SLC26A5: variants seen among roughly 807,000 people sequenced by gnomAD.
SLC26A5 encodes the protein solute carrier family 26 member 5.
Under a neutral mutation model 81.0 loss-of-function variants are expected in SLC26A5, and 51 were observed. The observed-to-expected ratio is 0.63, with a 90% CI of 0.50 to 0.80. The LOEUF is 0.80. Ranked by LOEUF, SLC26A5 falls within the 30% of genes least tolerant of loss-of-function variation. The probability of loss-of-function intolerance (pLI) is 0.00; values close to 1 mark genes in which losing one functional copy is unlikely to be tolerated. For synonymous variants in SLC26A5, 325 were observed against 332.8 expected, an observed-to-expected ratio of 0.98 and a Z score of 0.25; for missense variants, 771 against 905.8, an observed-to-expected ratio of 0.85 and a Z score of 1.91.
At chr7:103,431,371 G>A (rs1826071993) in intron 2 of SLC26A5, among the ~76,000 whole-genome samples, 1 of 150,390 alleles carries the variant, frequency 6.6e-6, no homozygotes, top group South Asian at 2.1e-4. Flanking sequence ...CACCCAGGCT[G>A]GAGTGCAGTG....
At chr7:103,426,165 A>G (rs1825698560) in intron 2 of SLC26A5, among the ~76,000 whole-genome samples, 1 of 152,216 alleles carries the variant, frequency 6.6e-6, no homozygotes, top group South Asian at 2.1e-4. Flanking sequence ...TTCTATGCTT[A>G]TATTCTCACA....
Position 103,374,304 on chromosome 7 carries a change from C to A in SLC26A5, c.*95G>T. ...TCAAGCCTGGACTACTAGTATTCAC[C>A]CTTAGAAAAAAAAATCTAGCGTCTA... On this transcript the variant is annotated 3_prime_UTR_variant, in exon 20 of 20. Coordinates refer to ENST00000306312, the MANE Select transcript of SLC26A5 (RefSeq NM_198999.3). 1 of 1,552,504 alleles carries A rather than the reference C, an allele frequency of 6.4e-7. No homozygotes were observed. The highest frequency in any genetic ancestry group is 8.7e-7 in the Non-Finnish European group (1 of 1,149,866).
chr7:103,412,899 T>C (rs1452313879), intron 5 of SLC26A5, 103 bp downstream of exon 5: 3 of 889,130 alleles, frequency 3.4e-6, no homozygotes, highest in African/African-American at 3.3e-5. Flanking sequence ...ACAAAAGTTG[T>C]TATTAAGACA....
At chr7:103,365,599 A>G (rs1344549754) in intron 19 of SLC26A5, among the ~76,000 whole-genome samples, 1 of 152,168 alleles carries the variant, frequency 6.6e-6, no homozygotes, top group African/African-American at 2.4e-5. Context: ...ATTGCACACC[A>G]GCCTGGGCAA....
In SLC26A5 at chr7:103,410,434, A is replaced by G. The variant is rs759689487; in HGVS notation, c.686T>C (p.Leu229Pro). The change falls in exon 7 of 20, where the codon CTG (leucine) becomes CCG (proline). Residue 229 changes from leucine (L) to proline (P), a missense_variant. Transcript: ENST00000306312. ...GTACCGCTTTGTTTTAACTCCAAAC[A>G]GATATTTTAACATGGAGGTGAAGAC... ...VHVFTSMLKY[L>P]FGVKTKRYSG... 1 of 1,614,128 alleles carries G rather than the reference A, an allele frequency of 6.2e-7. No individual in the cohort carries two copies. The highest frequency in any genetic ancestry group is 8.5e-7 in the Non-Finnish European group (1 of 1,179,972).
chr7:103,397,801 C>T (rs1419937941), intron 9 of SLC26A5, 131 bp downstream of exon 9: 3 of 730,242 alleles, frequency 4.1e-6, no homozygotes, highest in African/African-American at 1.8e-5. Flanking sequence ...ACCCAATCCC[C>T]CTAAAGCCCT....
In SLC26A5 at chr7:103,393,046, G is replaced by A. The variant is rs1822799734; in HGVS notation, c.992C>T (p.Pro331Leu). 7 of 1,613,986 alleles carry A rather than the reference G, an allele frequency of 4.3e-6. No homozygotes were observed. Among genetic ancestry groups the A allele is most frequent in the South Asian group, 1.1e-5 (1 of 91,070 alleles). ...CACAAGGTGGAAGAGGCTGGTGTCC[G>A]GATTGGCTGGAGGTAGCAGCCTGAA... is the stretch of plus-strand genomic sequence containing the variant. Reference protein sequence around the residue: ...LPLGLLPPANPDTSLFHLVYV... With the variant: ...LPLGLLPPANLDTSLFHLVYV... The change falls in exon 10 of 20, where the codon CCG (proline) becomes CTG (leucine). Residue 331 changes from proline (P) to leucine (L), a missense_variant. Transcript: ENST00000306312.
rs1224244529 is a variant in SLC26A5 at position 103,376,824 on chromosome 7, G to A, written c.2025C>T (p.Tyr675=). 5 of 1,604,616 alleles carry A rather than the reference G, an allele frequency of 3.1e-6. No individual in the cohort carries two copies. The highest frequency in any genetic ancestry group is 1.3e-5 in the African/African-American group (1 of 74,810). The change falls in exon 19 of 20, where the codon TAC becomes TAT. Residue 675 remains tyrosine, a synonymous_variant. Coordinates refer to ENST00000306312, the MANE Select transcript of SLC26A5 (RefSeq NM_198999.3). ...TATACTCACCACTGCATCCTGCTAA[G>A]TATACATATATACCGACGTCTCCAT... The part of the protein sequence containing the change: ...KEYGDVGIYV[Y]LAGCSAQVVN...
intron 9 of SLC26A5, 124 bp downstream of exon 9, chr7:103,397,808 C>T (rs772051840): frequency 1.7e-4 from 128 of 751,614 alleles, no homozygotes; most frequent in Middle Eastern, 1.6e-3. Flanking sequence ...CCCCCTAAAG[C>T]CCTCAGCTAT....
rs562450056 is a variant in SLC26A5, at chr7:103,387,435, C to A, written c.1514+1573G>T. Among the ~76,000 whole-genome samples, 5 of 152,330 alleles carry A rather than the reference C, an allele frequency of 3.3e-5. No individual in the cohort carries two copies. The South Asian group carries it at 8.3e-4, about 25-fold the overall frequency. On this transcript the variant is annotated intron_variant, in intron 14 of 19. Transcript: ENST00000306312. ...ACCATAGGCAAAACCACACTAGCTTCATTTTCATTTCCCTCTGTGTTAGAG... is the reference window on the plus strand; with the variant it reads ...ACCATAGGCAAAACCACACTAGCTTAATTTTCATTTCCCTCTGTGTTAGAG...
chr7:103,356,438 C>T (rs1199360697), intron 19 of SLC26A5, among the ~76,000 whole-genome samples: 1 of 152,118 alleles, frequency 6.6e-6, no homozygotes, highest in Non-Finnish European at 1.5e-5. Flanking sequence ...TTACTTTGGC[C>T]AGTTTATACT....
At chr7:103,389,507 C>T in intron 12 of SLC26A5, 83 bp from the exon 13 acceptor site, 2 of 941,766 alleles carry the variant, frequency 2.1e-6, no homozygotes, top group Non-Finnish European at 3.5e-6. Flanking sequence ...CTCCTGCTGT[C>T]CTCCCCATGC....
rs182644399 is a variant in SLC26A5, at chr7:103,411,762, G to T, written c.404-176C>A. ...AGCAACCGTGTGTGTGCGTGTGTGC[G>T]CATGCAGACTGTATTTTCCAAAAAT... On this transcript the variant is annotated intron_variant, in intron 5 of 19. Transcript: ENST00000306312. 2.0e-5 allele frequency among the ~76,000 whole-genome samples: 3 copies of T among 152,284 alleles called. No individual in the cohort carries two copies. In the East Asian group the frequency reaches 5.8e-4, roughly 29 times the overall value.
intron 2 of SLC26A5, among the ~76,000 whole-genome samples, chr7:103,439,778 C>A (rs1041047376): frequency 2.6e-5 from 4 of 152,178 alleles, no homozygotes; most frequent in Non-Finnish European, 5.9e-5. Flanking sequence ...AAGCGATCTG[C>A]CCGCTTTGGC....
At chr7:103,368,859 A>G (rs1405804647) in intron 19 of SLC26A5, 1 of 152,210 alleles carries the variant, frequency 6.6e-6, no homozygotes, top group Non-Finnish European at 1.5e-5. Flanking sequence ...AAATTTTGGT[A>G]AAGTTTCTGT....
chr7:103,435,340 A>G (rs2116833623), intron 2 of SLC26A5, among the ~76,000 whole-genome samples: 1 of 152,192 alleles, frequency 6.6e-6, no homozygotes, highest in Non-Finnish European at 1.5e-5. Flanking sequence ...ATGCTTCTTC[A>G]TATGTCAGGT....
At chr7:103,360,508 C>T (rs549349035) in intron 19 of SLC26A5, among the ~76,000 whole-genome samples, 15 of 152,304 alleles carry the variant, frequency 9.8e-5, no homozygotes, top group Admixed American at 2.6e-4. Context: ...ATCCTCCAGC[C>T]TCAGCCTCCT....
Position 103,379,235 on chromosome 7 carries a change from T to A in SLC26A5, c.1677+8A>T. On this transcript the variant is annotated splice_region_variant and intron_variant, in intron 16 of 19. Coordinates refer to ENST00000306312, the MANE Select transcript of SLC26A5 (RefSeq NM_198999.3). ...ATCCTCAGAAATAATCAATTTCTCA[T>A]GACTCACCTTTCGTTTTAATGCATT... 6.3e-7 allele frequency: 1 copy of A among 1,592,740 alleles called. No individual in the cohort carries two copies. Among genetic ancestry groups the A allele is most frequent in the Non-Finnish European group, 8.6e-7 (1 of 1,160,726 alleles).
At chr7:103,387,567 A>G (rs1191192510) in intron 14 of SLC26A5, among the ~76,000 whole-genome samples, 1 of 152,196 alleles carries the variant, frequency 6.6e-6, no homozygotes, top group Non-Finnish European at 1.5e-5. Flanking sequence ...TGAGGTAGGA[A>G]GTATTAGTCT....
Sources: gnomAD v4.1 joint callset for allele counts (sites outside exome capture counted in the v4.1 genomes callset) on GRCh38, gnomAD v4.1.1 for gene constraint, MANE v1.5 for transcripts, NCBI Gene and HGNC (gene_info 2026-07-23, HGNC 2026-07-21) for gene names.